SLC35E1: variants seen among roughly 807,000 people sequenced by gnomAD.
The protein encoded by SLC35E1 is solute carrier family 35 member E1.
Under a neutral mutation model 31.0 loss-of-function variants are expected in SLC35E1, and 12 were observed. That is an observed-to-expected ratio of 0.39 (90% confidence interval 0.25 to 0.63). The LOEUF is 0.63. SLC35E1 is among the 20% of genes least tolerant of loss of function. SLC35E1 has a pLI of 0.52. For missense variants in SLC35E1, 429 were observed against 572.2 expected (o/e 0.75, Z 2.55); for synonymous variants, 257 against 264.1 (o/e 0.97, Z 0.26).
chr19:16,561,231 AAAAAAAAAAAAAG>A (rs1262486775), intron 4 of SLC35E1, among the ~76,000 whole-genome samples: 1 of 144,218 alleles, frequency 6.9e-6, no homozygotes, highest in Non-Finnish European at 1.5e-5. Context: ...AAAAAAAAAA[AAAAAAAAAAAAAG>A]AAAGAAAAGA....
chr19:16,558,487 G>A (rs1320731297), intron 4 of SLC35E1, among the ~76,000 whole-genome samples: 6 of 150,888 alleles, frequency 4.0e-5, no homozygotes, highest in East Asian at 2.0e-4. Context: ...CAGGTGTGCC[G>A]CACCACACCT....
rs1458738225 is a variant in SLC35E1 at position 16,552,442 on chromosome 19, C to T, written c.*1237G>A. On this transcript the variant is annotated 3_prime_UTR_variant, in exon 6 of 6. Coordinates refer to ENST00000595753, the MANE Select transcript of SLC35E1 (RefSeq NM_024881.5). ...TTCTGCCTCCCAGGTTCAAGCAATT[C>T]GCCTGCCTCAGCAGCCTGAGGAGCT... 3 of 151,796 alleles carry T rather than the reference C, an allele frequency of 2.0e-5. No individual in the cohort carries two copies. The highest frequency in any genetic ancestry group is 2.1e-4 in the South Asian group (1 of 4,812). 9.4% of individuals were successfully genotyped at this position (151,796 alleles called of 1,614,324 possible).
At chr19:16,554,271 A>G (rs1335329942) in intron 5 of SLC35E1, among the ~76,000 whole-genome samples, 1 of 150,704 alleles carries the variant, frequency 6.6e-6, no homozygotes, top group Non-Finnish European at 1.5e-5. Context: ...GTCTCAGAAA[A>G]AAAAAAAAAA....
intron 5 of SLC35E1, among the ~76,000 whole-genome samples, chr19:16,554,890 C>T (rs1568270988): frequency 6.6e-6 from 1 of 150,876 alleles, no homozygotes; most frequent in East Asian, 1.9e-4. Flanking sequence ...CATGTCCTTA[C>T]ACCGCACTAA....
chr19:16,566,540 T>C lies in SLC35E1; in HGVS notation c.748A>G (p.Ser250Gly), dbSNP rs2085933386. 6.2e-7 allele frequency: 1 copy of C among 1,612,670 alleles called. No individual in the cohort carries two copies. Among genetic ancestry groups the C allele is most frequent in the East Asian group, 2.2e-5 (1 of 44,886 alleles). ...GGTGCTGTACAACTCACCAAGTCGC[T>C]GCTGACCAGGAAAGCCGAGAGGTCC... The part of the protein sequence containing the change: ...LVDLSAFLVS[S>G]DLTYVYQWPW... The change falls in exon 4 of 6, where the codon AGC becomes GGC. Residue 250 changes from serine to glycine, a missense_variant. Ser to Gly is a moderately conservative substitution (Grantham distance 56). Transcript: ENST00000595753.
Position 16,555,615 on chromosome 19 carries a change from G to A in SLC35E1, c.757-218C>T, listed in dbSNP as rs564323466. 5.0e-5 allele frequency: 28 copies of A among 563,120 alleles called. No homozygotes were observed. Among genetic ancestry groups the A allele is most frequent in the Admixed American group, 2.3e-4 (7 of 30,362 alleles). The allele number at this position is 563,120 out of a possible 1,614,324, so 34.9% of individuals were successfully genotyped here. A position where few individuals can be genotyped will look rare whatever the true frequency, so the allele number is the denominator to read the frequency against. ...ACACCACACAGCATGGGAATCACCC[G>A]CCGTCTCCTGCCAAGGAAACAGGTG... On this transcript the variant is annotated intron_variant, in intron 4 of 5. Transcript: ENST00000595753. The surrounding 1 kb of genome is among the most constrained non-coding windows in gnomAD (Gnocchi z 4.1).
At chr19:16,567,734 A>C (rs1245555317) in intron 3 of SLC35E1, among the ~76,000 whole-genome samples, 1 of 151,878 alleles carries the variant, frequency 6.6e-6, no homozygotes, top group Non-Finnish European at 1.5e-5. Context: ...TTATGTTTTT[A>C]GTAGAGATGG....
intron 4 of SLC35E1, among the ~76,000 whole-genome samples, chr19:16,560,485 G>A (rs2085899049): frequency 6.6e-6 from 1 of 152,140 alleles, no homozygotes; most frequent in African/African-American, 2.4e-5. Flanking sequence ...AGGTGGCTGT[G>A]GAACCTGCTG....
chr19:16,566,787 A>G (rs1447748855), intron 3 of SLC35E1, 130 bp from the exon 4 acceptor site: 1 of 1,142,890 alleles, frequency 8.7e-7, no homozygotes, highest in South Asian at 1.5e-5. Context: ...CAAACCTGCA[A>G]GTGCATTTGT....
At position 16,555,511 on chromosome 19, in the gene SLC35E1, C is replaced by G; in HGVS notation, c.757-114G>C. On this transcript the variant is annotated intron_variant, in intron 4 of 5. Coordinates refer to ENST00000595753, the MANE Select transcript of SLC35E1 (RefSeq NM_024881.5). This position sits in a 1 kb window ranked among gnomAD's most constrained non-coding sequence, Gnocchi z 4.1. Reference sequence around the variant, plus strand: ...ATGTGGAGGGGCTCATCTGGAGCCTCATGGTCCACAGGCAGCCAGTCCAGA... The same window carrying G: ...ATGTGGAGGGGCTCATCTGGAGCCTGATGGTCCACAGGCAGCCAGTCCAGA... The G allele has an allele frequency of 7.0e-7, 1 of 1,423,850 alleles. No homozygotes were observed. Among genetic ancestry groups the G allele is most frequent in the South Asian group, 1.4e-5 (1 of 72,478 alleles). 88.2% of individuals were successfully genotyped at this position (1,423,850 alleles called of 1,614,324 possible). A position where few individuals can be genotyped will look rare whatever the true frequency, so the allele number is the denominator to read the frequency against.
intron 4 of SLC35E1, chr19:16,566,322 A>G: frequency 1.7e-6 from 1 of 600,410 alleles, no homozygotes; most frequent in Non-Finnish European, 2.8e-6. Flanking sequence ...GGGATCAAGC[A>G]CACCAGAGAA....
At chr19:16,556,199 C>A (rs985688561) in intron 4 of SLC35E1, among the ~76,000 whole-genome samples, 1 of 151,384 alleles carries the variant, frequency 6.6e-6, no homozygotes, top group Admixed American at 6.6e-5. Context: ...GGCAACAGAG[C>A]GAGACTCTGT....
chr19:16,562,823 C>T (rs1334786506), intron 4 of SLC35E1, among the ~76,000 whole-genome samples: 1 of 152,156 alleles, frequency 6.6e-6, no homozygotes, highest in African/African-American at 2.4e-5. Context: ...ATCTTCCCAC[C>T]TCAGGCTCCC....
intron 2 of SLC35E1, among the ~76,000 whole-genome samples, chr19:16,571,127 C>T (rs1237446478): frequency 6.6e-6 from 1 of 151,618 alleles, no homozygotes; most frequent in Non-Finnish European, 1.5e-5. Context: ...AACACCTAAC[C>T]GACAGCGTTC....
At chr19:16,556,429 A>G (rs1235547259) in intron 4 of SLC35E1, among the ~76,000 whole-genome samples, 1 of 151,932 alleles carries the variant, frequency 6.6e-6, no homozygotes, top group East Asian at 1.9e-4. Context: ...GGATCGCTTG[A>G]GCCTAGGAGT....
At chr19:16,564,950 A>T (rs184414031) in intron 4 of SLC35E1, 1 of 341,840 alleles carries the variant, frequency 2.9e-6, no homozygotes, top group Non-Finnish European at 5.8e-6. Context: ...GGTAATATCC[A>T]CTACTTCAGC....
rs530268873 is a variant in SLC35E1 at position 16,557,405 on chromosome 19, G to C, written c.757-2008C>G. Among the ~76,000 whole-genome samples the C allele has an allele frequency of 5.3e-5, 8 of 152,248 alleles. No homozygotes were observed. In the East Asian group the frequency reaches 1.6e-3, roughly 30 times the overall value. On this transcript the variant is annotated intron_variant, in intron 4 of 5. Transcript: ENST00000595753. ...AGACGGGGTTTCACCGTGTTAGCCA[G>C]GATGGTCTCGATCTCCTGACCTCGT...
Position 16,561,205 on chromosome 19 carries a change from C to T in SLC35E1, c.756+5327G>A, listed in dbSNP as rs1271819677. 1.5e-4 allele frequency among the ~76,000 whole-genome samples: 9 copies of T among 61,620 alleles called. No homozygotes were observed. The Admixed American group carries it at 2.4e-3, about 17-fold the overall frequency. 40.4% of individuals were successfully genotyped at this position (61,620 alleles called of 152,430 possible). On this transcript the variant is annotated intron_variant, in intron 4 of 5. Transcript: ENST00000595753. ...CTCCAGCCTGGGCAACAGATCAAGA[C>T]TCCATCTCAAAAAAAAAAAAAAAAA...
In SLC35E1 at chr19:16,555,442, T is replaced by G. The variant is rs1599315730; in HGVS notation, c.757-45A>C. ...AAGACAGCACTTCAGTGGGCAGCGG[T>G]GACCCTGCCTCCCTGTATCCACCTG... On this transcript the variant is annotated intron_variant, in intron 4 of 5. Transcript: ENST00000595753. The surrounding 1 kb of genome is among the most constrained non-coding windows in gnomAD (Gnocchi z 4.1). 6.3e-7 allele frequency: 1 copy of G among 1,599,840 alleles called. No homozygotes were observed. Among genetic ancestry groups the G allele is most frequent in the Non-Finnish European group, 8.5e-7 (1 of 1,172,682 alleles).
Sources: allele counts gnomAD v4.1 joint callset (sites outside exome capture counted in the v4.1 genomes callset), GRCh38; gene constraint gnomAD v4.1.1; non-coding constraint Gnocchi (gnomAD v3.1); transcripts MANE v1.5; gene names NCBI Gene and HGNC (gene_info 2026-07-23, HGNC 2026-07-21).